KIRREL3: variants seen among roughly 807,000 people sequenced by gnomAD.
The protein encoded by KIRREL3 is kirre like nephrin family adhesion molecule 3, also known as kin of IRRE-like protein 3.
KIRREL3 carries 36 observed loss-of-function variants against 89.7 expected under a neutral mutation model. The observed-to-expected ratio is 0.40, with a 90% confidence interval of 0.31 to 0.53. The LOEUF (loss-of-function observed/expected upper bound fraction) is 0.53, where lower values mean the gene tolerates loss of function less well. Among genes scored for constraint, KIRREL3 ranks in the 20% least tolerant of loss-of-function variants. The pLI, the probability that KIRREL3 is intolerant of heterozygous loss-of-function variation, is 0.49. For synonymous variants in KIRREL3, 445 were observed against 441.4 expected (o/e 1.01, Z -0.10); for missense variants, 864 against 1,056.6 (o/e 0.82, Z 2.53).
chr11:126,457,448 T>G (rs566515010), intron 6 of KIRREL3, among the ~76,000 whole-genome samples: 1 of 151,904 alleles, frequency 6.6e-6, no homozygotes, highest in South Asian at 2.1e-4. Flanking sequence ...TATGTGTATG[T>G]GTGTGTATAC....
chr11:126,662,243 T>G (rs1244053783), intron 1 of KIRREL3, among the ~76,000 whole-genome samples: 4 of 152,164 alleles, frequency 2.6e-5, no homozygotes, highest in African/African-American at 9.7e-5. Context: ...TTGCTATGAC[T>G]AAGAGCCCAT....
chr11:126,733,606 A>G (rs1441537633), intron 1 of KIRREL3, among the ~76,000 whole-genome samples: 1 of 152,216 alleles, frequency 6.6e-6, no homozygotes, highest in Non-Finnish European at 1.5e-5. Context: ...ACAAGGCTAC[A>G]TGATCAGTTC....
rs1472870577 is a variant in KIRREL3, at chr11:126,709,559, G to A, written c.56-146647C>T. Among the ~76,000 whole-genome samples, 1 of 152,166 alleles carries A rather than the reference G, an allele frequency of 6.6e-6. No individual in the cohort carries two copies. The highest frequency in any genetic ancestry group is 1.5e-5 in the Non-Finnish European group (1 of 68,034). ...ATAGGGTCTTTAAAAAGGTGATTAA[G>A]TTAAAATGAGGTCATTAGGGTGCGT... On this transcript the variant is annotated intron_variant, in intron 1 of 16. Coordinates refer to ENST00000525144, the MANE Select transcript of KIRREL3 (RefSeq NM_032531.4). The surrounding 1 kb of genome is among the most constrained non-coding windows in gnomAD (Gnocchi z 4.0).
Position 126,610,007 on chromosome 11 carries a change from T to C in KIRREL3, c.56-47095A>G, listed in dbSNP as rs1943056529. 6.6e-6 allele frequency among the ~76,000 whole-genome samples: 1 copy of C among 152,184 alleles called. No homozygotes were observed. Among genetic ancestry groups the C allele is most frequent in the Non-Finnish European group, 1.5e-5 (1 of 68,032 alleles). On this transcript the variant is annotated intron_variant, in intron 1 of 16. Coordinates refer to ENST00000525144, the MANE Select transcript of KIRREL3 (RefSeq NM_032531.4). This position sits in a 1 kb window ranked among gnomAD's most constrained non-coding sequence, Gnocchi z 4.6. ...CTTTTACAGATGAAGAAACTGAGGC[T>C]CAGGGAGGTTAAGTAAATGAGGCCG... is the stretch of plus-strand genomic sequence containing the variant.
chr11:126,654,580 A>G (rs533204007), intron 1 of KIRREL3, among the ~76,000 whole-genome samples: 7 of 152,034 alleles, frequency 4.6e-5, no homozygotes, highest in African/African-American at 1.2e-4. Flanking sequence ...CTTCAGATAG[A>G]TGTCCTTCCC....
At chr11:126,944,047 C>A (rs1222825150) in intron 1 of KIRREL3, among the ~76,000 whole-genome samples, 1 of 152,110 alleles carries the variant, frequency 6.6e-6, no homozygotes, top group Non-Finnish European at 1.5e-5. Context: ...CCCTCCCTAC[C>A]CGGAAGAAAG....
At chr11:126,507,697 C>T (rs1273404902) in intron 4 of KIRREL3, among the ~76,000 whole-genome samples, 2 of 152,132 alleles carry the variant, frequency 1.3e-5, no homozygotes, top group Admixed American at 1.3e-4. Flanking sequence ...GATTAAAGGG[C>T]TCCTTCATCT....
intron 1 of KIRREL3, among the ~76,000 whole-genome samples, chr11:126,629,203 C>T (rs1943915149): frequency 6.6e-6 from 1 of 152,194 alleles, no homozygotes; most frequent in Admixed American, 6.5e-5. Flanking sequence ...TGCTCTTCTT[C>T]AGCTGGGCGC....
In KIRREL3 at chr11:126,771,476, ATCTTT is replaced by A. The variant is rs1313724163; in HGVS notation, c.56-208569_56-208565del. Among the ~76,000 whole-genome samples, 2 of 152,138 alleles carry A rather than the reference ATCTTT, an allele frequency of 1.3e-5. No individual in the cohort carries two copies. The highest frequency in any genetic ancestry group is 4.8e-5 in the African/African-American group (2 of 41,422). On this transcript the variant is annotated intron_variant, in intron 1 of 16. Transcript: ENST00000525144. This position sits in a 1 kb window ranked among gnomAD's most constrained non-coding sequence, Gnocchi z 4.4. Reference sequence around the variant, plus strand: ...TCCATTTATCTGATAATTTCTTTGCATCTTTTTTGGCTTTGCTGTACAGATTGGTG... The same window carrying A: ...TCCATTTATCTGATAATTTCTTTGCATTTGGCTTTGCTGTACAGATTGGTG...
chr11:126,564,379 T>C lies in KIRREL3; in HGVS notation c.56-1467A>G, dbSNP rs1257429876. On this transcript the variant is annotated intron_variant, in intron 1 of 16. Transcript: ENST00000525144. The surrounding 1 kb of genome is among the most constrained non-coding windows in gnomAD (Gnocchi z 7.4). ...ACAGATAAGTCAAGCTCAGGGGCTC[T>C]TGCCCTAGAGAAAAACAAAACATGG... Among the ~76,000 whole-genome samples the C allele has an allele frequency of 2.0e-5, 3 of 152,174 alleles. No homozygotes were observed. Among genetic ancestry groups the C allele is most frequent in the Admixed American group, 2.0e-4 (3 of 15,280 alleles).
At chr11:126,889,361 A>G (rs1017398604) in intron 1 of KIRREL3, among the ~76,000 whole-genome samples, 2 of 152,210 alleles carry the variant, frequency 1.3e-5, no homozygotes, top group African/African-American at 4.8e-5. Flanking sequence ...ACTTGGCATA[A>G]TTACATTGAC....
chr11:126,840,622 TAA>T (rs1943932692), intron 1 of KIRREL3, among the ~76,000 whole-genome samples: 1 of 152,236 alleles, frequency 6.6e-6, no homozygotes, highest in Non-Finnish European at 1.5e-5. Flanking sequence ...AAAAAATTCC[TAA>T]GTTTTAAATC....
rs994901737 is a variant in KIRREL3 at position 126,780,784 on chromosome 11, A to G, written c.56-217872T>C. On this transcript the variant is annotated intron_variant, in intron 1 of 16. Transcript: ENST00000525144. This position sits in a 1 kb window ranked among gnomAD's most constrained non-coding sequence, Gnocchi z 5.3. ...ATTGTGGTCTTTACATGAAATCAACAAACATATATGGAGCTTTAAATATGC... is the reference window on the plus strand; with the variant it reads ...ATTGTGGTCTTTACATGAAATCAACGAACATATATGGAGCTTTAAATATGC... Among the ~76,000 whole-genome samples, 1 of 152,222 alleles carries G rather than the reference A, an allele frequency of 6.6e-6. No individual in the cohort carries two copies. The highest frequency in any genetic ancestry group is 6.5e-5 in the Admixed American group (1 of 15,288).
intron 1 of KIRREL3, among the ~76,000 whole-genome samples, chr11:126,916,336 C>T (rs1050162909): frequency 3.3e-5 from 5 of 152,118 alleles, no homozygotes; most frequent in South Asian, 4.1e-4. Flanking sequence ...TTTATTAAAA[C>T]ACAAATTGCT....
At chr11:126,504,603 C>T (rs1247833717) in intron 4 of KIRREL3, among the ~76,000 whole-genome samples, 1 of 152,184 alleles carries the variant, frequency 6.6e-6, no homozygotes, top group Non-Finnish European at 1.5e-5. Context: ...AATATCAATC[C>T]TTTGTGAAAT....
intron 1 of KIRREL3, among the ~76,000 whole-genome samples, chr11:126,921,459 C>T (rs1268495272): frequency 6.6e-6 from 1 of 151,948 alleles, no homozygotes; most frequent in African/African-American, 2.4e-5. Context: ...TCCTATCTAT[C>T]TACCTATCTG....
At chr11:127,003,233 G>A (rs1044716977), upstream of KIRREL3, 4 of 152,458 alleles carry the variant, frequency 2.6e-5, no homozygotes, top group African/African-American at 9.6e-5. Context: ...GCCACCACGT[G>A]GGGCAGAGAA....
intron 2 of KIRREL3, among the ~76,000 whole-genome samples, chr11:126,556,169 T>C (rs1237544575): frequency 6.6e-6 from 1 of 152,094 alleles, no homozygotes; most frequent in East Asian, 1.9e-4. Context: ...TTGGGCATGA[T>C]AGATGCAAGG....
rs1470406257 is a variant in KIRREL3, at chr11:126,647,692, C to T, written c.56-84780G>A. Among the ~76,000 whole-genome samples the T allele has an allele frequency of 2.0e-5, 3 of 152,194 alleles. No homozygotes were observed. Among genetic ancestry groups the T allele is most frequent in the Non-Finnish European group, 4.4e-5 (3 of 68,040 alleles). On this transcript the variant is annotated intron_variant, in intron 1 of 16. Transcript: ENST00000525144. The surrounding 1 kb of genome is among the most constrained non-coding windows in gnomAD (Gnocchi z 4.9). ...TCACTTGGACCCTGTGCCTGGATGGCGGCCAGAGCCTCCTAATTGGTCTCG... is the reference window on the plus strand; with the variant it reads ...TCACTTGGACCCTGTGCCTGGATGGTGGCCAGAGCCTCCTAATTGGTCTCG...
Sources: gnomAD v4.1 joint callset for allele counts (sites outside exome capture counted in the v4.1 genomes callset) on GRCh38, gnomAD v4.1.1 for gene constraint, Gnocchi (gnomAD v3.1) non-coding constraint, MANE v1.5 for transcripts, NCBI Gene and HGNC (gene_info 2026-07-23, HGNC 2026-07-21) for gene names.